Variants in MTHFD1 observed in about 807,000 individuals in gnomAD.
The protein encoded by MTHFD1 is C-1-tetrahydrofolate synthase, cytoplasmic.
MTHFD1 carries 44 observed loss-of-function variants against 110.3 expected under a neutral mutation model. The observed-to-expected ratio is 0.40, with a 90% CI of 0.31 to 0.51. The LOEUF is 0.51. Among genes scored for constraint, MTHFD1 ranks in the 20% least tolerant of loss-of-function variants. The pLI, the probability that MTHFD1 is intolerant of heterozygous loss-of-function variation, is 0.60. For missense variants in MTHFD1, 909 were observed against 1,173.1 expected (o/e 0.77, Z 3.29); for synonymous variants, 402 against 428.8 (o/e 0.94, Z 0.77).
At chr14:64,400,079 A>G (rs953947422) in intron 1 of MTHFD1, among the ~76,000 whole-genome samples, 1 of 152,206 alleles carries the variant, frequency 6.6e-6, no homozygotes, top group Non-Finnish European at 1.5e-5. Flanking sequence ...GCTCCTGGCC[A>G]GTGTTTTTGA....
In MTHFD1 at chr14:64,424,870, C is replaced by T. The variant is rs777506533; in HGVS notation, c.794C>T (p.Ala265Val). Residue 265 changes from alanine (A) to valine (V), a missense_variant, in exon 9 of 28, where the codon GCG becomes GTG. Ala to Val is a moderately conservative substitution (Grantham distance 64, BLOSUM62 0). Around this residue, in one of 3 missense-constraint regions of MTHFD1, gnomAD observed 424 missense variants for 510.4 expected, o/e 0.83. Transcript: ENST00000652337. The stretch of plus-strand genomic sequence containing the variant: ...GCATACGACGAGGCCAAAGAGAGGG[C>T]GAGCTTCATCACTCCTGTTCCTGGC... ...DVAYDEAKER[A>V]SFITPVPGGV... The T allele has an allele frequency of 1.1e-5, 18 of 1,614,032 alleles. No homozygotes were observed. The Admixed American group carries it at 1.3e-4, about 12-fold the overall frequency.
intron 1 of MTHFD1, among the ~76,000 whole-genome samples, chr14:64,396,974 G>A (rs1367698247): frequency 2.1e-5 from 3 of 145,096 alleles, no homozygotes; most frequent in African/African-American, 2.5e-5. Context: ...GCGTGGTGGC[G>A]GGCGCCTGTA....
At chr14:64,429,364 G>T (rs1366655348) in intron 12 of MTHFD1, among the ~76,000 whole-genome samples, 1 of 149,154 alleles carries the variant, frequency 6.7e-6, no homozygotes, top group African/African-American at 2.5e-5. Flanking sequence ...TCTGTCTGGA[G>T]TCCCAGCTCA....
At position 64,408,285 on chromosome 14, in the gene MTHFD1, C is replaced by CCTTTTTTTTTTTTTT. The variant is rs34166790; in HGVS notation, c.127-2805_127-2804insCTTTTTTTTTTTTTT. Among the ~76,000 whole-genome samples, 5 of 121,208 alleles carry CCTTTTTTTTTTTTTT rather than the reference C, an allele frequency of 4.1e-5. 2 individuals carry two copies. The highest frequency in any genetic ancestry group is 6.6e-5 in the Non-Finnish European group (4 of 60,678). The allele number at this position is 121,208 out of a possible 152,430, so 79.5% of individuals were successfully genotyped here. On this transcript the variant is annotated intron_variant, in intron 2 of 27. Transcript: ENST00000652337. ...CCACCTTCAAGGAGAAATCAGCATT[C>CCTTTTTTTTTTTTTT]TTTTTTTTTTTTTTTTTTTTGAGAT...
At chr14:64,448,946 C>T (rs1191144218) in intron 23 of MTHFD1, among the ~76,000 whole-genome samples, 1 of 151,996 alleles carries the variant, frequency 6.6e-6, no homozygotes, top group Non-Finnish European at 1.5e-5. Flanking sequence ...ACTACAGGTG[C>T]CTGCCACCAT....
Position 64,435,578 on chromosome 14 carries a change from A to G in MTHFD1, c.1504A>G (p.Ile502Val). ...IQIRRLKRLG[I>V]EKTDPTTLTD... is the part of the protein sequence containing the mutation. ...TTTCCTACACTTTCAGAGACTAGGC[A>G]TTGAAAAGACTGACCCTACCACACT... Residue 502 changes from isoleucine to valine, a missense_variant, in exon 16 of 28, where the codon ATT becomes GTT. This residue lies in a region of MTHFD1 where 482 missense variants were observed against 646.0 expected (regional missense o/e 0.75). Transcript: ENST00000652337. 1 of 1,592,246 alleles carries G rather than the reference A, an allele frequency of 6.3e-7. No homozygotes were observed. The highest frequency in any genetic ancestry group is 8.6e-7 in the Non-Finnish European group (1 of 1,160,120).
At chr14:64,456,065 A>T (rs2078467784) in intron 26 of MTHFD1, among the ~76,000 whole-genome samples, 1 of 152,250 alleles carries the variant, frequency 6.6e-6, no homozygotes. Flanking sequence ...AGCAGCTACC[A>T]GCTGAAAGAC....
At chr14:64,391,196 G>C (rs2077801562) in intron 1 of MTHFD1, among the ~76,000 whole-genome samples, 1 of 151,376 alleles carries the variant, frequency 6.6e-6, no homozygotes, top group South Asian at 2.1e-4. Flanking sequence ...ACAAGGTCTT[G>C]CTCTGTTGCT....
intron 8 of MTHFD1, among the ~76,000 whole-genome samples, chr14:64,421,469 C>T (rs75383526): frequency 5.9e-5 from 9 of 152,178 alleles, no homozygotes; most frequent in South Asian, 4.1e-4. Context: ...CTCTCCCTAC[C>T]GTGCTTTTAA....
chr14:64,391,284 C>T (rs996807830), intron 1 of MTHFD1, among the ~76,000 whole-genome samples: 3 of 152,176 alleles, frequency 2.0e-5, no homozygotes, highest in African/African-American at 7.2e-5. Flanking sequence ...CCTGCCTCAG[C>T]CTCCCAGGTA....
At chr14:64,407,641 G>C (rs1486881642) in intron 2 of MTHFD1, among the ~76,000 whole-genome samples, 1 of 147,208 alleles carries the variant, frequency 6.8e-6, no homozygotes, top group Non-Finnish European at 1.5e-5. Context: ...GCCCTCCCCT[G>C]TCCCCCAGGG....
At chr14:64,393,598 G>C (rs1009173888) in intron 1 of MTHFD1, among the ~76,000 whole-genome samples, 1 of 152,206 alleles carries the variant, frequency 6.6e-6, no homozygotes, top group African/African-American at 2.4e-5. Flanking sequence ...CAGCGATAGT[G>C]CAGCAGAGCC....
rs753221647 is a variant in MTHFD1, at chr14:64,439,086, T to A, written c.1598-10T>A. On this transcript the variant is annotated splice_polypyrimidine_tract_variant and intron_variant, in intron 16 of 27. Coordinates refer to ENST00000652337, the MANE Select transcript of MTHFD1 (RefSeq NM_005956.4). ...TCAAAATCGTTCTATATCTTGCCTG[T>A]CTGCTGTAGTGTTGGATACCAATGA... 4 of 1,610,500 alleles carry A rather than the reference T, an allele frequency of 2.5e-6. No individual in the cohort carries two copies. The highest frequency in any genetic ancestry group is 3.4e-6 in the Non-Finnish European group (4 of 1,176,626).
At chr14:64,433,714 AT>A (rs1170650639) in intron 15 of MTHFD1, among the ~76,000 whole-genome samples, 3,094 of 129,014 alleles carry the variant, frequency 0.024, 63 homozygotes, top group South Asian at 0.066. Context: ...TGAGCTCAGC[AT>A]TTTTTTTTTT....
rs200935483 is a variant in MTHFD1 at position 64,453,747 on chromosome 14, G to A, written c.2458-7G>A. 947 of 1,561,232 alleles carry A rather than the reference G, an allele frequency of 6.1e-4. 1 individual carries two copies. Among genetic ancestry groups the A allele is most frequent in the Non-Finnish European group, 7.6e-4 (862 of 1,132,738 alleles). ...CATGGTGTCCCCATCTCTTTCTTGT[G>A]CATTAGCTCCCAGTTGAGGATAAAA... On this transcript the variant is annotated splice_region_variant and splice_polypyrimidine_tract_variant and intron_variant, in intron 24 of 27. Coordinates refer to ENST00000652337, the MANE Select transcript of MTHFD1 (RefSeq NM_005956.4).
intron 1 of MTHFD1, among the ~76,000 whole-genome samples, chr14:64,397,182 TATATATATAA>T (rs1242557596): frequency 0.19 from 2,798 of 15,098 alleles, 571 homozygotes; most frequent in African/African-American, 0.22. Context: ...TATATATATA[TATATATATAA>T]AAAACAGTAA....
At chr14:64,440,337 T>G in intron 18 of MTHFD1, 71 bp downstream of exon 18, 1 of 1,571,478 alleles carries the variant, frequency 6.4e-7, no homozygotes, top group Non-Finnish European at 8.7e-7. Context: ...CAGCAGTTAT[T>G]AATAACAAAA....
Position 64,425,921 on chromosome 14 carries a change from C to A in MTHFD1, c.953+94C>A, listed in dbSNP as rs78891270. 54,917 of 1,568,310 alleles carry A rather than the reference C, an allele frequency of 0.035. 1,100 individuals are homozygous for A. The highest frequency in any genetic ancestry group is 0.07 in the Middle Eastern group (417 of 5,946). On this transcript the variant is annotated intron_variant, in intron 10 of 27. Transcript: ENST00000652337. ...TTCACATATGCTCCCTCTGAAGGTG[C>A]CTTCAGTGGTTGGGGTTGGGTTGGG...
Position 64,419,900 on chromosome 14 carries a change from C to A in MTHFD1, c.702C>A (p.Ile234=). The part of the protein sequence containing the change: ...GEWIKPGAIV[I]DCGINYVPDD... Reference sequence around the variant, plus strand: ...GGATCAAACCTGGGGCAATAGTCATCGACTGTGGAATCAATTATGTCCCAG... The same window carrying A: ...GGATCAAACCTGGGGCAATAGTCATAGACTGTGGAATCAATTATGTCCCAG... Residue 234 remains isoleucine, a synonymous_variant, in exon 8 of 28, where the codon ATC becomes ATA. Transcript: ENST00000652337. The A allele has an allele frequency of 1.2e-6, 2 of 1,613,704 alleles. No homozygotes were observed. The highest frequency in any genetic ancestry group is 1.3e-5 in the African/African-American group (1 of 74,986).
Sources: allele counts gnomAD v4.1 joint callset (sites outside exome capture counted in the v4.1 genomes callset), GRCh38; gene constraint gnomAD v4.1.1; regional missense constraint gnomAD v4.1.1; transcripts MANE v1.5; gene names NCBI Gene and HGNC (gene_info 2026-07-23, HGNC 2026-07-21).